DMC1: variants seen among roughly 807,000 people sequenced by gnomAD.
DMC1 encodes the protein DNA meiotic recombinase 1.
DMC1 carries 27 observed loss-of-function variants against 50.1 expected under a neutral mutation model. That is an observed-to-expected ratio of 0.54 (90% CI 0.40 to 0.74). DMC1 has a LOEUF of 0.74. Ranked by LOEUF, DMC1 falls within the 30% of genes least tolerant of loss-of-function variation. The probability of loss-of-function intolerance (pLI) is 0.00; values close to 1 mark genes in which losing one functional copy is unlikely to be tolerated. For synonymous variants in DMC1, 148 were observed against 136.1 expected, an observed-to-expected ratio of 1.09 and a Z score of -0.61; for missense variants, 295 against 420.2, an observed-to-expected ratio of 0.70 and a Z score of 2.60.
At chr22:38,531,588 T>C (rs142946124) in intron 12 of DMC1, among the ~76,000 whole-genome samples, 7 of 152,100 alleles carry the variant, frequency 4.6e-5, no homozygotes, top group African/African-American at 1.7e-4. Context: ...AAAATTGTCC[T>C]TTTTTTTCCC....
intron 12 of DMC1, among the ~76,000 whole-genome samples, chr22:38,525,294 CT>C (rs1158729959): frequency 6.6e-6 from 1 of 152,112 alleles, no homozygotes; most frequent in Non-Finnish European, 1.5e-5. Flanking sequence ...TGTGTCATAT[CT>C]TCAAAACTGT....
intron 6 of DMC1, among the ~76,000 whole-genome samples, chr22:38,554,304 A>G (rs1279338126): frequency 2.0e-5 from 3 of 152,126 alleles, no homozygotes; most frequent in Admixed American, 2.0e-4. Flanking sequence ...TTTCCTACCT[A>G]CCAATCCAGG....
intron 1 of DMC1, among the ~76,000 whole-genome samples, chr22:38,568,807 G>A (rs2090607891): frequency 6.6e-6 from 1 of 151,994 alleles, no homozygotes. Flanking sequence ...TTATGAATGG[G>A]TACTCCTGTA....
At chr22:38,538,501 T>TA (rs1458081088) in intron 10 of DMC1, 38 bp downstream of exon 10, 1 of 1,607,798 alleles carries the variant, frequency 6.2e-7, no homozygotes, top group African/African-American at 1.3e-5. Flanking sequence ...AATATTATGC[T>TA]AAATAGCTCT....
At chr22:38,523,201 G>A (rs1056038449) in intron 12 of DMC1, among the ~76,000 whole-genome samples, 2 of 152,198 alleles carry the variant, frequency 1.3e-5, no homozygotes, top group Non-Finnish European at 2.9e-5. Flanking sequence ...TGAGACTAAC[G>A]GCGGCAGTTA....
intron 12 of DMC1, among the ~76,000 whole-genome samples, chr22:38,537,275 G>A (rs747968952): frequency 8.6e-5 from 13 of 150,942 alleles, no homozygotes; most frequent in Non-Finnish European, 1.8e-4. Flanking sequence ...GTACAATGGC[G>A]CGATCTCGGC....
chr22:38,559,066 A>G (rs565208040), intron 5 of DMC1, among the ~76,000 whole-genome samples: 12 of 152,040 alleles, frequency 7.9e-5, no homozygotes, highest in East Asian at 5.8e-4. Context: ...GTCTCACTCT[A>G]TTGCCCAGGC....
chr22:38,537,721 G>T, intron 11 of DMC1, 69 bp from the exon 12 acceptor site: 1 of 1,238,236 alleles, frequency 8.1e-7, no homozygotes. Flanking sequence ...TCATTGTTTA[G>T]ATTTCAGAGT....
chr22:38,542,773 T>C (rs1441624113), intron 8 of DMC1, among the ~76,000 whole-genome samples: 1 of 151,976 alleles, frequency 6.6e-6, no homozygotes, highest in Admixed American at 6.6e-5. Context: ...AGAACGAAAC[T>C]AAAGGAACCA....
intron 8 of DMC1, among the ~76,000 whole-genome samples, chr22:38,541,414 C>T (rs1336385537): frequency 2.0e-5 from 3 of 152,152 alleles, no homozygotes; most frequent in African/African-American, 7.2e-5. Context: ...GCCTGAGCAT[C>T]CTGAGTAGCT....
Position 38,552,325 on chromosome 22 carries a change from T to G in DMC1, c.421+341A>C, listed in dbSNP as rs11570408. Among the ~76,000 whole-genome samples, 818 of 152,314 alleles carry G rather than the reference T, an allele frequency of 5.4e-3. 8 individuals are homozygous for G. The highest frequency in any genetic ancestry group is 0.019 in the African/African-American group (789 of 41,570). ...TTTTATGCCATGGAAAGTGAAAGAT[T>G]CTAGGACTCAATAGATTTTGTGTCA... is the stretch of plus-strand genomic sequence containing the variant. On this transcript the variant is annotated intron_variant, in intron 7 of 13. Transcript: ENST00000216024.
At chr22:38,531,549 T>G (rs1364538228) in intron 12 of DMC1, among the ~76,000 whole-genome samples, 1 of 152,192 alleles carries the variant, frequency 6.6e-6, no homozygotes, top group Admixed American at 6.5e-5. Context: ...ATGGGAGGTT[T>G]CCTAATAGTA....
chr22:38,541,886 C>T lies in DMC1; in HGVS notation c.495-2474G>A, dbSNP rs1036351359. On this transcript the variant is annotated intron_variant, in intron 8 of 13. Coordinates refer to ENST00000216024, the MANE Select transcript of DMC1 (RefSeq NM_007068.4). Reference sequence around the variant, plus strand: ...TCATTCATCATGACCAAGTAGGATTCGTCTCAGGGATGCAAGGATGGTTCA... The same window carrying T: ...TCATTCATCATGACCAAGTAGGATTTGTCTCAGGGATGCAAGGATGGTTCA... Among the ~76,000 whole-genome samples, 14 of 151,718 alleles carry T rather than the reference C, an allele frequency of 9.2e-5. No homozygotes were observed. In the South Asian group the frequency reaches 1.3e-3, roughly 14 times the overall value.
At chr22:38,544,928 G>A (rs976492094) in intron 8 of DMC1, among the ~76,000 whole-genome samples, 3 of 151,760 alleles carry the variant, frequency 2.0e-5, no homozygotes, top group Admixed American at 1.3e-4. Context: ...CACTGCGCCC[G>A]GCAGCAAAAT....
At chr22:38,534,387 C>T in intron 12 of DMC1, among the ~76,000 whole-genome samples, 1 of 152,136 alleles carries the variant, frequency 6.6e-6, no homozygotes, top group East Asian at 1.9e-4. Context: ...TCAGAAGAAA[C>T]TTCTCAAATG....
intron 9 of DMC1, 50 bp downstream of exon 9, chr22:38,539,271 T>G (rs1221096116): frequency 7.5e-7 from 1 of 1,328,506 alleles, no homozygotes; most frequent in East Asian, 2.3e-5. Context: ...AGTAAATCAG[T>G]GCTGCCAACC....
Position 38,555,399 on chromosome 22 carries a change from C to T in DMC1, c.337G>A (p.Gly113Arg), listed in dbSNP as rs376791625. The T allele has an allele frequency of 2.6e-5, 42 of 1,605,778 alleles. No homozygotes were observed. The highest frequency in any genetic ancestry group is 3.5e-5 in the Non-Finnish European group (41 of 1,173,016). Residue 113 changes from glycine (G) to arginine (R), a missense_variant, in exon 6 of 14, where the codon GGA becomes AGA. Coordinates refer to ENST00000216024, the MANE Select transcript of DMC1 (RefSeq NM_007068.4). Reference sequence around the variant, plus strand: ...ATTGCCATACTTTCAATTCCACCTCCTAGTAACTTACTGGAAATAGAAAGA... The same window carrying T: ...ATTGCCATACTTTCAATTCCACCTCTTAGTAACTTACTGGAAATAGAAAGA... ...TGSQEFDKLL[G>R]GGIESMAITE...
At chr22:38,569,839 G>T (rs936026442) in intron 1 of DMC1, among the ~76,000 whole-genome samples, 5 of 152,220 alleles carry the variant, frequency 3.3e-5, no homozygotes, top group African/African-American at 1.2e-4. Context: ...GATGAGGCGG[G>T]CTCTCCTAGA....
chr22:38,538,642 TAAAAGTTGAAAG>T, intron 9 of DMC1, 30 bp from the exon 10 acceptor site: 2 of 1,590,316 alleles, frequency 1.3e-6, no homozygotes, highest in Non-Finnish European at 1.7e-6. Flanking sequence ...GAAAATGTTA[TAAAAGTTGAAAG>T]AAGCAGAGGC....
Sources: gnomAD v4.1 joint callset for allele counts (sites outside exome capture counted in the v4.1 genomes callset) on GRCh38, gnomAD v4.1.1 for gene constraint, MANE v1.5 for transcripts, NCBI Gene and HGNC (gene_info 2026-07-23, HGNC 2026-07-21) for gene names.